The following PICALM variants were observed in gnomAD, a reference collection of about 807,000 sequenced individuals.
PICALM encodes the protein phosphatidylinositol binding clathrin assembly protein, also known as phosphatidylinositol-binding clathrin assembly protein.
Under a neutral mutation model 80.5 loss-of-function variants are expected in PICALM, and 40 were observed. That is an observed-to-expected ratio of 0.50 (90% CI 0.39 to 0.65). PICALM has a LOEUF of 0.65. Among genes scored for constraint, PICALM ranks in the 30% least tolerant of loss-of-function variants. The probability of loss-of-function intolerance (pLI) is 0.00; values close to 1 mark genes in which losing one functional copy is unlikely to be tolerated. For missense variants in PICALM, 676 were observed against 778.9 expected (o/e 0.87, Z 1.57); for synonymous variants, 288 against 260.3 (o/e 1.11, Z -1.02).
At chr11:85,969,351 T>C (rs189593756) in intron 19 of PICALM, among the ~76,000 whole-genome samples, 84 of 152,256 alleles carry the variant, frequency 5.5e-4, no homozygotes, top group Admixed American at 5.3e-3. Context: ...AAACAAACAC[T>C]TCAAAGAGCA....
intron 4 of PICALM, among the ~76,000 whole-genome samples, chr11:86,017,907 T>C (rs957454607): frequency 2.0e-5 from 3 of 152,192 alleles, no homozygotes; most frequent in Admixed American, 6.5e-5. Flanking sequence ...AATGTGTGTG[T>C]GCGCCTGTGT....
chr11:85,972,315 T>A (rs553987084), intron 19 of PICALM, among the ~76,000 whole-genome samples: 3 of 152,210 alleles, frequency 2.0e-5, no homozygotes, highest in Non-Finnish European at 2.9e-5. Flanking sequence ...AAGAAGATGG[T>A]GCTACCGTAT....
rs1223683933 is a variant in PICALM at position 85,957,322 on chromosome 11, T to C, written c.*1724A>G. Among the ~76,000 whole-genome samples, 2 of 152,216 alleles carry C rather than the reference T, an allele frequency of 1.3e-5. No homozygotes were observed. Among genetic ancestry groups the C allele is most frequent in the African/African-American group, 4.8e-5 (2 of 41,452 alleles). On this transcript the variant is annotated 3_prime_UTR_variant, in exon 20 of 20. Coordinates refer to ENST00000393346, the MANE Select transcript of PICALM (RefSeq NM_007166.4). ...ATCCTTTATCATGTACTCTGAACCC[T>C]ATGCACTACTAAATAGGCAATATGA...
At chr11:86,020,424 GAAAAAA>G (rs34312370) in intron 4 of PICALM, among the ~76,000 whole-genome samples, 14 of 94,246 alleles carry the variant, frequency 1.5e-4, no homozygotes, top group South Asian at 7.9e-4. Flanking sequence ...ACAATCTTGG[GAAAAAA>G]AAAAAAAAAA....
At chr11:85,971,771 T>TG (rs2094120772) in intron 19 of PICALM, among the ~76,000 whole-genome samples, 1 of 150,668 alleles carries the variant, frequency 6.6e-6, no homozygotes, top group Non-Finnish European at 1.5e-5. Flanking sequence ...GAGCAGATGC[T>TG]GGATGACAAG....
intron 2 of PICALM, among the ~76,000 whole-genome samples, chr11:86,027,399 T>C (rs1481372814): frequency 6.6e-6 from 1 of 152,154 alleles, no homozygotes; most frequent in Non-Finnish European, 1.5e-5. Context: ...GCCTTTCAAC[T>C]TCGCTTCTTA....
intron 12 of PICALM, among the ~76,000 whole-genome samples, 157 bp downstream of exon 12, chr11:85,996,669 G>A (rs2094972796): frequency 6.6e-6 from 1 of 151,968 alleles, no homozygotes; most frequent in African/African-American, 2.4e-5. Context: ...TATAATAAAT[G>A]AACATACCTT....
At chr11:86,004,989 T>C (rs680119) in intron 8 of PICALM, among the ~76,000 whole-genome samples, 96,407 of 152,086 alleles carry the variant, frequency 0.63, 30,887 homozygotes, top group African/African-American at 0.71. Context: ...AGGATGTTGA[T>C]GATAGTGGTT....
At chr11:86,023,341 G>C (rs938786900) in intron 3 of PICALM, 1 of 347,584 alleles carries the variant, frequency 2.9e-6, no homozygotes, top group African/African-American at 2.2e-5. Context: ...TTTATTGAGT[G>C]CCTATTAAGT....
chr11:85,976,711 G>C (rs1430324719), intron 17 of PICALM, 29 bp from the exon 18 acceptor site: 6 of 1,391,108 alleles, frequency 4.3e-6, no homozygotes, highest in Non-Finnish European at 6.1e-6. Flanking sequence ...AAATGAACAA[G>C]AAAGTATAAC....
In PICALM at chr11:85,990,490, G is replaced by A. The variant is rs7112643; in HGVS notation, c.1259-91C>T. On this transcript the variant is annotated intron_variant, in intron 12 of 19. Transcript: ENST00000393346. Reference sequence around the variant, plus strand: ...GTCAAAAGATGCAAAGTGAAAAGTAGTAACTATATTATTGTTTATTAATCT... The same window carrying A: ...GTCAAAAGATGCAAAGTGAAAAGTAATAACTATATTATTGTTTATTAATCT... 2,415 of 659,468 alleles carry A rather than the reference G, an allele frequency of 3.7e-3. 47 individuals carry two copies. In the African/African-American group the frequency reaches 0.038, roughly 10 times the overall value. 40.9% of individuals were successfully genotyped at this position (659,468 alleles called of 1,614,324 possible). A position where few individuals can be genotyped will look rare whatever the true frequency, so the allele number is the denominator to read the frequency against.
In PICALM at chr11:86,034,877, A is replaced by G. The variant is rs188900999; in HGVS notation, c.131-3266T>C. 3.9e-5 allele frequency among the ~76,000 whole-genome samples: 6 copies of G among 152,334 alleles called. No homozygotes were observed. In the East Asian group the frequency reaches 1.2e-3, roughly 29 times the overall value. ...TTTTATTATTTCATATGCTCTTTCA[A>G]CAAACAATGACTGAGGTAGATAAAG... On this transcript the variant is annotated intron_variant, in intron 1 of 19. Transcript: ENST00000393346.
At chr11:85,993,149 A>G (rs1384891453) in intron 12 of PICALM, among the ~76,000 whole-genome samples, 1 of 151,482 alleles carries the variant, frequency 6.6e-6, no homozygotes, top group African/African-American at 2.4e-5. Context: ...GCAATGGCAT[A>G]ATCATAGCTT....
At chr11:86,011,756 G>A (rs1302290102) in intron 6 of PICALM, among the ~76,000 whole-genome samples, 1 of 151,604 alleles carries the variant, frequency 6.6e-6, no homozygotes, top group Non-Finnish European at 1.5e-5. Context: ...TTGATTATGA[G>A]AAAACAATAT....
chr11:86,064,271 TAGTA>T (rs2096411433), intron 1 of PICALM, among the ~76,000 whole-genome samples: 1 of 152,228 alleles, frequency 6.6e-6, no homozygotes, highest in African/African-American at 2.4e-5. Context: ...AATGGATGCT[TAGTA>T]AGAACTTGAT....
intron 1 of PICALM, among the ~76,000 whole-genome samples, chr11:86,062,079 A>C (rs2137719423): frequency 1.3e-5 from 2 of 152,328 alleles, no homozygotes; most frequent in East Asian, 3.9e-4. Flanking sequence ...ACAGTTAACA[A>C]AAAATAGTGG....
intron 1 of PICALM, among the ~76,000 whole-genome samples, chr11:86,051,387 G>A (rs1417358575): frequency 2.6e-5 from 4 of 152,186 alleles, no homozygotes; most frequent in Middle Eastern, 3.2e-3. Context: ...TTAAGATAAA[G>A]TGGTGGCTCA....
intron 1 of PICALM, among the ~76,000 whole-genome samples, chr11:86,040,280 T>C (rs560493852): frequency 6.6e-6 from 1 of 152,196 alleles, no homozygotes. Flanking sequence ...TCAAATGTCA[T>C]GTGGTGAGGT....
At chr11:86,035,947 C>CAAAAAAAAAAAAAAAAA (rs543040504) in intron 1 of PICALM, among the ~76,000 whole-genome samples, 1 of 66,488 alleles carries the variant, frequency 1.5e-5, no homozygotes, top group Non-Finnish European at 2.9e-5. Context: ...GACTCTGCCT[C>CAAAAAAAAAAAAAAAAA]AAAAAAAAAA....
Sources: allele counts gnomAD v4.1 joint callset (sites outside exome capture counted in the v4.1 genomes callset), GRCh38; gene constraint gnomAD v4.1.1; transcripts MANE v1.5; gene names NCBI Gene and HGNC (gene_info 2026-07-23, HGNC 2026-07-21).